INSR: variants seen among roughly 807,000 people sequenced by gnomAD.
INSR encodes the protein insulin receptor.
In INSR, 67 loss-of-function variants were observed where a neutral mutation model predicts 142.6. The ratio of observed to expected loss-of-function variants is 0.47; its 90% CI spans 0.39 to 0.58. The LOEUF is 0.58. Among genes scored for constraint, INSR ranks in the 20% least tolerant of loss-of-function variants. The pLI is 0.00. For missense variants in INSR, 1,248 were observed against 1,833.2 expected, an observed-to-expected ratio of 0.68 and a Z score of 5.83; for synonymous variants, 756 against 743.1, an observed-to-expected ratio of 1.02 and a Z score of -0.28.
chr19:7,234,589 A>AG (rs1330039158), intron 2 of INSR, among the ~76,000 whole-genome samples: 1 of 152,156 alleles, frequency 6.6e-6, no homozygotes, highest in Non-Finnish European at 1.5e-5. Flanking sequence ...CTGGATCCCC[A>AG]GGGGGGTTTT....
intron 3 of INSR, among the ~76,000 whole-genome samples, chr19:7,176,572 GC>G (rs1299412153): frequency 6.6e-6 from 1 of 152,184 alleles, no homozygotes; most frequent in Non-Finnish European, 1.5e-5. Context: ...CTGCAGCCCA[GC>G]CTGGGTGACA....
chr19:7,144,870 T>C (rs939767726), intron 11 of INSR, among the ~76,000 whole-genome samples: 3 of 152,132 alleles, frequency 2.0e-5, no homozygotes, highest in African/African-American at 7.2e-5. Context: ...AGAAACTCTA[T>C]ATTGACTTGT....
intron 2 of INSR, among the ~76,000 whole-genome samples, chr19:7,224,689 C>T (rs778847746): frequency 3.9e-5 from 6 of 152,140 alleles, no homozygotes; most frequent in Admixed American, 6.6e-5. Flanking sequence ...ATGTGCGTCC[C>T]GAGGAAATGC....
At position 7,197,514 on chromosome 19, in the gene INSR, G is replaced by GGT. The variant is rs1418762689; in HGVS notation, c.653-12878_653-12877insAC. 2.0e-3 allele frequency among the ~76,000 whole-genome samples: 53 copies of GGT among 26,990 alleles called. 2 individuals are homozygous for GGT. The highest frequency in any genetic ancestry group is 2.9e-3 in the Admixed American group (7 of 2,410). The allele number at this position is 26,990 out of a possible 152,430, so 17.7% of individuals were successfully genotyped here. On this transcript the variant is annotated intron_variant, in intron 2 of 21. Transcript: ENST00000302850. ...ATTGGCAGGTTCCAGAGTGGGAGTG[G>GGT]GGGTGTGTGTGTGTGTGTGTGTGTG...
At chr19:7,263,182 G>C (rs1005675197) in intron 2 of INSR, among the ~76,000 whole-genome samples, 2 of 152,006 alleles carry the variant, frequency 1.3e-5, no homozygotes, top group African/African-American at 4.8e-5. Flanking sequence ...GGAAGGCTGA[G>C]GCAGGAGAAT....
chr19:7,280,632 G>A (rs1247974166), intron 1 of INSR, among the ~76,000 whole-genome samples: 1 of 151,808 alleles, frequency 6.6e-6, no homozygotes, highest in Non-Finnish European at 1.5e-5. Flanking sequence ...CAGGAGAATC[G>A]CCTGAACCCG....
intron 15 of INSR, among the ~76,000 whole-genome samples, chr19:7,126,883 T>G (rs1972659566): frequency 6.6e-6 from 1 of 152,052 alleles, no homozygotes; most frequent in African/African-American, 2.4e-5. Context: ...GGGTGGTTTT[T>G]TTTTTGTTTT....
chr19:7,129,529 T>C (rs1972727550), intron 14 of INSR, among the ~76,000 whole-genome samples: 1 of 152,022 alleles, frequency 6.6e-6, no homozygotes, highest in African/African-American at 2.4e-5. Context: ...TTCACCTTGC[T>C]GGCCAGGCTG....
chr19:7,241,310 C>A (rs1271541074), intron 2 of INSR, among the ~76,000 whole-genome samples: 11 of 151,682 alleles, frequency 7.3e-5, no homozygotes, highest in Admixed American at 7.2e-4. Flanking sequence ...TCGTGAGTAG[C>A]CAGAACTACA....
intron 2 of INSR, among the ~76,000 whole-genome samples, chr19:7,191,399 G>C (rs1188659754): frequency 2.0e-5 from 3 of 152,006 alleles, no homozygotes; most frequent in Non-Finnish European, 4.4e-5. Context: ...AGCCACTCGG[G>C]GTGGCCACTG....
At chr19:7,215,045 C>T (rs1304934770) in intron 2 of INSR, among the ~76,000 whole-genome samples, 2 of 152,030 alleles carry the variant, frequency 1.3e-5, no homozygotes, top group Non-Finnish European at 1.5e-5. Context: ...CAGCCTCGAC[C>T]CCTGGGCTCA....
rs537409060 is a variant in INSR, at chr19:7,146,956, T to C, written c.2267+3541A>G. ...ATGTTTACCATAGGCTTAGCTGTTA[T>C]TGCTTTTCCCTTCCTAACACATTTA... On this transcript the variant is annotated intron_variant, in intron 11 of 21. Coordinates refer to ENST00000302850, the MANE Select transcript of INSR (RefSeq NM_000208.4). 7.4e-4 allele frequency among the ~76,000 whole-genome samples: 112 copies of C among 152,334 alleles called. 1 individual carries two copies. Among genetic ancestry groups the C allele is most frequent in the Admixed American group, 2.4e-3 (36 of 15,294 alleles).
At chr19:7,117,487 C>T (rs1972365528) in intron 21 of INSR, 77 bp from the exon 22 acceptor site, 2 of 1,079,364 alleles carry the variant, frequency 1.9e-6, no homozygotes, top group Non-Finnish European at 2.8e-6. Context: ...ACTCTTGTCC[C>T]TGCAGCCGAC....
intron 2 of INSR, among the ~76,000 whole-genome samples, chr19:7,224,825 C>T (rs748286637): frequency 2.0e-5 from 3 of 151,296 alleles, no homozygotes; most frequent in East Asian, 3.9e-4. Context: ...TCACAGAGAC[C>T]TAGGGCTGTA....
intron 11 of INSR, among the ~76,000 whole-genome samples, chr19:7,148,639 G>A (rs900015383): frequency 9.9e-5 from 15 of 150,754 alleles, no homozygotes; most frequent in Non-Finnish European, 1.5e-4. Context: ...CACCATGCCC[G>A]GCTAATTTTT....
At chr19:7,200,631 G>C (rs953882603) in intron 2 of INSR, among the ~76,000 whole-genome samples, 1 of 152,042 alleles carries the variant, frequency 6.6e-6, no homozygotes, top group African/African-American at 2.4e-5. Flanking sequence ...TTGAGCCTAG[G>C]AGTTCAAGAC....
chr19:7,252,147 C>A (rs1017291699), intron 2 of INSR, among the ~76,000 whole-genome samples: 1 of 152,052 alleles, frequency 6.6e-6, no homozygotes, highest in Non-Finnish European at 1.5e-5. Flanking sequence ...TAGTGGCGCA[C>A]GCCTGTAATC....
At chr19:7,183,474 C>T (rs183330527) in intron 3 of INSR, among the ~76,000 whole-genome samples, 9 of 152,160 alleles carry the variant, frequency 5.9e-5, no homozygotes, top group Admixed American at 3.3e-4. Context: ...CTCACCCAAA[C>T]GGCAGGAAAT....
At chr19:7,202,311 T>C (rs1974983382) in intron 2 of INSR, among the ~76,000 whole-genome samples, 1 of 152,190 alleles carries the variant, frequency 6.6e-6, no homozygotes. Flanking sequence ...ATATTCATCA[T>C]CTCATTTTTG....
Sources: allele counts gnomAD v4.1 joint callset (sites outside exome capture counted in the v4.1 genomes callset), GRCh38; gene constraint gnomAD v4.1.1; transcripts MANE v1.5; gene names NCBI Gene and HGNC (gene_info 2026-07-23, HGNC 2026-07-21).